TOX: variants seen among roughly 807,000 people sequenced by gnomAD.
The protein encoded by TOX is thymocyte selection associated high mobility group box.
A neutral mutation model predicts 53.7 loss-of-function variants in TOX; 11 were observed. That is an observed-to-expected ratio of 0.20 (90% CI 0.13 to 0.34). The LOEUF (loss-of-function observed/expected upper bound fraction) is 0.34. Ranked by LOEUF, TOX falls within the 10% of genes least tolerant of loss-of-function variation. The pLI is 1.00. For synonymous variants in TOX, 225 were observed against 245.3 expected (o/e 0.92, Z 0.77); for missense variants, 570 against 664.6 (o/e 0.86, Z 1.56).
At chr8:58,918,639 T>A (rs1231738677) in intron 3 of TOX, among the ~76,000 whole-genome samples, 1 of 43,736 alleles carries the variant, frequency 2.3e-5, no homozygotes, top group African/African-American at 9.5e-5. Flanking sequence ...CTTTGAAAAC[T>A]GGCACAAGAC....
chr8:58,983,809 A>T (rs1322156005), intron 1 of TOX, among the ~76,000 whole-genome samples: 1 of 152,222 alleles, frequency 6.6e-6, no homozygotes, highest in Non-Finnish European at 1.5e-5. Context: ...GTAGTGCATC[A>T]AGATCAGATG....
intron 3 of TOX, among the ~76,000 whole-genome samples, chr8:58,927,570 T>C (rs1812186009): frequency 6.6e-6 from 1 of 152,168 alleles, no homozygotes; most frequent in South Asian, 2.1e-4. Flanking sequence ...AGAAGAAAAC[T>C]GTGTGTAAAA....
intron 1 of TOX, among the ~76,000 whole-genome samples, chr8:59,046,202 A>G (rs536138186): frequency 1.1e-4 from 16 of 152,336 alleles, no homozygotes; most frequent in African/African-American, 3.4e-4. Flanking sequence ...CATAAATTCC[A>G]TATTTATGGA....
In TOX at chr8:59,118,463, C is replaced by G. The variant is rs913292278; in HGVS notation, c.102+423G>C. On this transcript the variant is annotated intron_variant, in intron 1 of 8. Coordinates refer to ENST00000361421, the MANE Select transcript of TOX (RefSeq NM_014729.3). This position sits in a 1 kb window ranked among gnomAD's most constrained non-coding sequence, Gnocchi z 4.1. ...AATCCGGAGAAGGGAAGTGGTGCCA[C>G]GAGCCCCCACTGCCCGGGGAGGGAG... 6.6e-6 allele frequency among the ~76,000 whole-genome samples: 1 copy of G among 152,118 alleles called. No homozygotes were observed. The highest frequency in any genetic ancestry group is 1.5e-5 in the Non-Finnish European group (1 of 68,026).
chr8:59,097,231 C>T (rs982069742), intron 1 of TOX, among the ~76,000 whole-genome samples: 5 of 152,138 alleles, frequency 3.3e-5, no homozygotes, highest in African/African-American at 1.2e-4. Flanking sequence ...TGTGAGCTTA[C>T]AAACAATGCC....
intron 3 of TOX, among the ~76,000 whole-genome samples, chr8:58,933,478 A>G (rs896892363): frequency 4.6e-5 from 7 of 151,710 alleles, no homozygotes; most frequent in Non-Finnish European, 8.8e-5. Context: ...ACACAAAGCA[A>G]TATCACTTTT....
chr8:59,070,506 A>AACACAC (rs371344375), intron 1 of TOX, among the ~76,000 whole-genome samples: 31,226 of 139,934 alleles, frequency 0.22, 3,785 homozygotes, highest in Non-Finnish European at 0.28. Context: ...TGTCAAGGAA[A>AACACAC]ACACACACAC....
chr8:58,964,509 C>A (rs1812858066), intron 1 of TOX, among the ~76,000 whole-genome samples: 2 of 152,130 alleles, frequency 1.3e-5, no homozygotes, highest in South Asian at 4.1e-4. Flanking sequence ...GGGTTCTCAG[C>A]AGGCCTCCTG....
At chr8:58,868,452 G>A (rs1258753270) in intron 3 of TOX, among the ~76,000 whole-genome samples, 2 of 152,150 alleles carry the variant, frequency 1.3e-5, no homozygotes, top group East Asian at 3.8e-4. Context: ...TATTAATTAA[G>A]AGAGAATAAG....
intron 3 of TOX, among the ~76,000 whole-genome samples, chr8:58,871,368 T>C (rs1023370872): frequency 9.9e-5 from 15 of 152,120 alleles, no homozygotes; most frequent in Non-Finnish European, 1.9e-4. Context: ...CCTTTAGAAC[T>C]TAACCTCATA....
At chr8:58,822,897 T>C (rs747907326) in intron 6 of TOX, among the ~76,000 whole-genome samples, 2 of 152,228 alleles carry the variant, frequency 1.3e-5, no homozygotes, top group Non-Finnish European at 2.9e-5. Context: ...ATTTACTCTC[T>C]CTGCCTAGAG....
chr8:58,976,002 A>G lies in TOX; in HGVS notation c.103-15994T>C, dbSNP rs1040393435. ...CAAGAGAATCGCTTGAACCTGGGAC[A>G]CGGAGGTTGCAGTGAGCCGGGATTG... On this transcript the variant is annotated intron_variant, in intron 1 of 8. Transcript: ENST00000361421. 5.3e-5 allele frequency among the ~76,000 whole-genome samples: 8 copies of G among 152,068 alleles called. No individual in the cohort carries two copies. In the East Asian group the frequency reaches 5.8e-4, roughly 11 times the overall value.
At chr8:58,943,105 T>C (rs901704169) in intron 2 of TOX, among the ~76,000 whole-genome samples, 1 of 152,216 alleles carries the variant, frequency 6.6e-6, no homozygotes, top group Non-Finnish European at 1.5e-5. Context: ...CTCTGACTGC[T>C]GCTCTGATCC....
Position 58,807,532 on chromosome 8 carries a change from GGAA to G in TOX, c.*212_*214del, listed in dbSNP as rs1200277851. ...TCTGAATGGTCCAAATTTCCTTCAG[GGAA>G]GAAGAAAAACAATGTCCATAAAGGA... On this transcript the variant is annotated 3_prime_UTR_variant, in exon 9 of 9. Transcript: ENST00000361421. 2.8e-5 allele frequency: 14 copies of G among 503,668 alleles called. No homozygotes were observed. Among genetic ancestry groups the G allele is most frequent in the Non-Finnish European group, 4.5e-5 (13 of 287,720 alleles). 31.2% of individuals were successfully genotyped at this position (503,668 alleles called of 1,614,324 possible). A position where few individuals can be genotyped will look rare whatever the true frequency, so the allele number is the denominator to read the frequency against.
chr8:58,963,272 G>A (rs1812831641), intron 1 of TOX, among the ~76,000 whole-genome samples: 1 of 151,424 alleles, frequency 6.6e-6, no homozygotes, highest in African/African-American at 2.4e-5. Flanking sequence ...TCCTTATACT[G>A]AATCTCTTTT....
At chr8:58,838,699 C>CTTTTTTTTTTTTTTTGTTTTTT (rs1810591065) in intron 4 of TOX, among the ~76,000 whole-genome samples, 1 of 88,912 alleles carries the variant, frequency 1.1e-5, no homozygotes. Flanking sequence ...TTATCCTTGT[C>CTTTTTTTTTTTTTTTGTTTTTT]TTTTTTTTTT....
At chr8:58,875,654 T>A (rs1355391188) in intron 3 of TOX, among the ~76,000 whole-genome samples, 1 of 152,214 alleles carries the variant, frequency 6.6e-6, no homozygotes, top group South Asian at 2.1e-4. Flanking sequence ...TTTGAAATTT[T>A]GGTGATATTC....
Position 58,939,426 on chromosome 8 carries a change from A to C in TOX, c.287T>G (p.Leu96Arg). ...GCCATTATGGTTCATGGGGTGACACAGAGAATGGTAACCAGACTCAACTTC... is the reference window on the plus strand; with the variant it reads ...GCCATTATGGTTCATGGGGTGACACCGAGAATGGTAACCAGACTCAACTTC... Reference protein sequence around the residue: ...LNEVESGYHSLCHPMNHNGLL... With the variant: ...LNEVESGYHSRCHPMNHNGLL... The change falls in exon 3 of 9, where the codon CTG becomes CGG. Residue 96 changes from leucine to arginine, a missense_variant. Physicochemically the swap from Leu to Arg is moderately radical, Grantham distance 102. Transcript: ENST00000361421. The C allele has an allele frequency of 6.2e-7, 1 of 1,614,182 alleles. No individual in the cohort carries two copies. Among genetic ancestry groups the C allele is most frequent in the Non-Finnish European group, 8.5e-7 (1 of 1,180,042 alleles).
chr8:58,837,975 G>C, intron 5 of TOX, 106 bp downstream of exon 5: 1 of 1,014,204 alleles, frequency 9.9e-7, no homozygotes, highest in Non-Finnish European at 1.5e-6. Context: ...CCTTCTCAGC[G>C]TCTGTTCTGG....
Sources: allele counts gnomAD v4.1 joint callset (sites outside exome capture counted in the v4.1 genomes callset), GRCh38; gene constraint gnomAD v4.1.1; non-coding constraint Gnocchi (gnomAD v3.1); transcripts MANE v1.5; gene names NCBI Gene and HGNC (gene_info 2026-07-23, HGNC 2026-07-21).